SLC8A1: variants seen among roughly 807,000 people sequenced by gnomAD.
SLC8A1 encodes sodium/calcium exchanger 1.
Under a neutral mutation model 68.3 loss-of-function variants are expected in SLC8A1, and 18 were observed. The observed-to-expected ratio is 0.26, with a 90% confidence interval of 0.18 to 0.39. The LOEUF (loss-of-function observed/expected upper bound fraction) is 0.39. SLC8A1 is among the 10% of genes least tolerant of loss of function. The pLI is 1.00. For missense variants in SLC8A1, 985 were observed against 1,156.7 expected, an observed-to-expected ratio of 0.85 and a Z score of 2.15; for synonymous variants, 475 against 415.5, an observed-to-expected ratio of 1.14 and a Z score of -1.74.
intron 2 of SLC8A1, among the ~76,000 whole-genome samples, chr2:40,394,579 T>G (rs376322946): frequency 6.6e-6 from 1 of 152,046 alleles, no homozygotes; most frequent in Non-Finnish European, 1.5e-5. Flanking sequence ...ATATAGTGGA[T>G]GCCTACTACA....
intron 7 of SLC8A1, chr2:40,123,196 C>A (rs989024930): frequency 3.9e-5 from 6 of 152,242 alleles, no homozygotes; most frequent in Non-Finnish European, 8.8e-5. Flanking sequence ...ATAACTGATA[C>A]ATTTGACAAC....
intron 2 of SLC8A1, among the ~76,000 whole-genome samples, chr2:40,244,025 C>A (rs570772124): frequency 5.3e-4 from 77 of 143,990 alleles, no homozygotes; most frequent in African/African-American, 1.9e-3. Context: ...GGGGACAACG[C>A]TCCCATCAGC....
intron 2 of SLC8A1, among the ~76,000 whole-genome samples, chr2:40,422,865 G>C (rs1294700287): frequency 6.6e-6 from 1 of 152,064 alleles, no homozygotes; most frequent in Non-Finnish European, 1.5e-5. Context: ...TCAAATCCTA[G>C]ATCCATAATT....
intron 6 of SLC8A1, among the ~76,000 whole-genome samples, chr2:40,153,391 C>G (rs557533481): frequency 2.0e-5 from 3 of 152,284 alleles, no homozygotes; most frequent in East Asian, 3.9e-4. Context: ...ACTCAAGTAT[C>G]TAGAGAAGCC....
At chr2:40,147,180 A>G (rs1483074607) in intron 6 of SLC8A1, among the ~76,000 whole-genome samples, 4 of 152,166 alleles carry the variant, frequency 2.6e-5, no homozygotes, top group Non-Finnish European at 5.9e-5. Context: ...GATTATTACC[A>G]AAACAAATCT....
At chr2:40,215,858 A>G (rs2057390068) in intron 2 of SLC8A1, among the ~76,000 whole-genome samples, 1 of 151,914 alleles carries the variant, frequency 6.6e-6, no homozygotes, top group Non-Finnish European at 1.5e-5. Context: ...ATCTATTCCA[A>G]TCATTCCATA....
chr2:40,398,936 C>T (rs1438582056), intron 2 of SLC8A1, among the ~76,000 whole-genome samples: 1 of 152,130 alleles, frequency 6.6e-6, no homozygotes, highest in Non-Finnish European at 1.5e-5. Context: ...CAGACTCTAT[C>T]TCTCTATTTA....
chr2:40,168,987 A>G (rs1422557501), intron 4 of SLC8A1, among the ~76,000 whole-genome samples: 1 of 152,228 alleles, frequency 6.6e-6, no homozygotes, highest in Non-Finnish European at 1.5e-5. Flanking sequence ...TAGAATCACC[A>G]GTGGGGGATC....
chr2:40,351,595 A>AG (rs1671111553), intron 2 of SLC8A1, among the ~76,000 whole-genome samples: 1 of 152,048 alleles, frequency 6.6e-6, no homozygotes, highest in Non-Finnish European at 1.5e-5. Context: ...CAAAAAAAAA[A>AG]AAAAGTTGGA....
rs919341405 is a variant in SLC8A1, at chr2:40,354,008, T to C, written c.1808+74465A>G. 7.9e-5 allele frequency among the ~76,000 whole-genome samples: 12 copies of C among 152,350 alleles called. No individual in the cohort carries two copies. The East Asian group carries it at 9.7e-4, about 12-fold the overall frequency. On this transcript the variant is annotated intron_variant, in intron 2 of 7. Coordinates refer to ENST00000406785, the Ensembl canonical transcript of SLC8A1. ...CAACACAATGCCAGGTTGAACATTATACACAAGTCATTTTATTCTTGTGCA... is the reference window on the plus strand; with the variant it reads ...CAACACAATGCCAGGTTGAACATTACACACAAGTCATTTTATTCTTGTGCA...
chr2:40,249,552 C>T (rs1336463733), intron 2 of SLC8A1, among the ~76,000 whole-genome samples: 2 of 152,196 alleles, frequency 1.3e-5, no homozygotes, highest in African/African-American at 2.4e-5. Context: ...AGGTGTTTCT[C>T]TTCTCCCAAT....
At chr2:40,118,126 C>A (rs187573082) in intron 7 of SLC8A1, among the ~76,000 whole-genome samples, 1 of 152,326 alleles carries the variant, frequency 6.6e-6, no homozygotes, top group Admixed American at 6.5e-5. Context: ...CTCTCACAAG[C>A]ATTATGGGCT....
intron 1 of SLC8A1, among the ~76,000 whole-genome samples, chr2:40,435,654 G>C (rs1388533705): frequency 6.6e-6 from 1 of 152,162 alleles, no homozygotes; most frequent in East Asian, 1.9e-4. Context: ...GGTGAAGGTA[G>C]GCAATGTGGT....
chr2:40,457,098 T>C (rs11124741), intron 1 of SLC8A1, among the ~76,000 whole-genome samples: 149,076 of 152,276 alleles, frequency 0.98, 73,051 homozygotes, highest in Non-Finnish European at 1. Context: ...TCAAAGACAG[T>C]CATTTTACGC....
intron 1 of SLC8A1, among the ~76,000 whole-genome samples, chr2:40,471,851 A>G (rs1336285054): frequency 6.6e-6 from 1 of 152,234 alleles, no homozygotes; most frequent in Non-Finnish European, 1.5e-5. Context: ...ACTTCAAAAC[A>G]TATATTTCTA....
intron 1 of SLC8A1, among the ~76,000 whole-genome samples, chr2:40,500,546 T>C (rs1260308195): frequency 6.6e-6 from 1 of 152,052 alleles, no homozygotes; most frequent in Non-Finnish European, 1.5e-5. Flanking sequence ...CTTATAAATC[T>C]AATATTTGGG....
intron 2 of SLC8A1, among the ~76,000 whole-genome samples, chr2:40,311,034 G>A (rs370733524): frequency 6.6e-6 from 1 of 152,146 alleles, no homozygotes; most frequent in African/African-American, 2.4e-5. Flanking sequence ...TAGAAACTGA[G>A]AGAAATAATT....
intron 2 of SLC8A1, among the ~76,000 whole-genome samples, chr2:40,226,344 C>T (rs1373859002): frequency 6.6e-6 from 1 of 152,118 alleles, no homozygotes; most frequent in Non-Finnish European, 1.5e-5. Flanking sequence ...CATGTATATT[C>T]ATTGTGCTGC....
chr2:40,413,927 A>T (rs1394017606), intron 2 of SLC8A1, among the ~76,000 whole-genome samples: 1 of 152,214 alleles, frequency 6.6e-6, no homozygotes, highest in East Asian at 1.9e-4. Flanking sequence ...GTAGTAAAAC[A>T]GATTGATTTG....
Sources: allele counts gnomAD v4.1 joint callset (sites outside exome capture counted in the v4.1 genomes callset), GRCh38; gene constraint gnomAD v4.1.1; transcripts MANE v1.5; gene names NCBI Gene and HGNC (gene_info 2026-07-23, HGNC 2026-07-21).